PITPNA: variants seen among roughly 807,000 people sequenced by gnomAD.
PITPNA encodes phosphatidylinositol transfer protein alpha isoform.
In PITPNA, 13 loss-of-function variants were observed where a neutral mutation model predicts 50.3. That is an observed-to-expected ratio of 0.26 (90% CI 0.17 to 0.41). The LOEUF (loss-of-function observed/expected upper bound fraction) is 0.41. PITPNA is among the 10% of genes least tolerant of loss of function. The pLI, the probability that PITPNA is intolerant of heterozygous loss-of-function variation, is 1.00. For missense variants in PITPNA, 207 were observed against 333.4 expected, an observed-to-expected ratio of 0.62 and a Z score of 2.95; for synonymous variants, 120 against 119.6, an observed-to-expected ratio of 1.00 and a Z score of -0.02.
chr17:1,521,713 T>C, intron 10 of PITPNA, 68 bp from the exon 11 acceptor site: 2 of 1,306,222 alleles, frequency 1.5e-6, no homozygotes, highest in Non-Finnish European at 2.2e-6. Context: ...TTCTCAGTCC[T>C]GCCCATAGGT....
intron 5 of PITPNA, among the ~76,000 whole-genome samples, chr17:1,542,038 A>G (rs1034965434): frequency 6.6e-6 from 1 of 152,068 alleles, no homozygotes. Flanking sequence ...CGTCTCTACT[A>G]AAAATACAAA....
intron 4 of PITPNA, among the ~76,000 whole-genome samples, chr17:1,544,191 T>C (rs535855638): frequency 2.8e-4 from 43 of 152,346 alleles, no homozygotes; most frequent in African/African-American, 9.6e-4. Flanking sequence ...ATCTGATCAC[T>C]CAGCCAAGCG....
At chr17:1,537,072 A>T (rs1231163261) in intron 7 of PITPNA, among the ~76,000 whole-genome samples, 4 of 139,662 alleles carry the variant, frequency 2.9e-5, no homozygotes, top group African/African-American at 5.2e-5. Context: ...CTAATTTTGT[A>T]TTTTTTTTTT....
At chr17:1,534,045 CTCCT>C in intron 10 of PITPNA, 50 bp downstream of exon 10, 1 of 1,606,714 alleles carries the variant, frequency 6.2e-7, no homozygotes, top group Non-Finnish European at 8.5e-7. Flanking sequence ...GCAAAACAGT[CTCCT>C]TAATCTTCGT....
intron 10 of PITPNA, among the ~76,000 whole-genome samples, chr17:1,529,000 TG>T (rs2075564096): frequency 6.6e-6 from 1 of 150,820 alleles, no homozygotes. Context: ...TAGCTGGGCG[TG>T]GTGGCGCACA....
intron 4 of PITPNA, among the ~76,000 whole-genome samples, chr17:1,546,426 A>C (rs1048790523): frequency 6.6e-6 from 1 of 152,298 alleles, no homozygotes; most frequent in Non-Finnish European, 1.5e-5. Flanking sequence ...GGTTGGAAAG[A>C]GCAATGACCC....
rs2075633290 is a variant in PITPNA, at chr17:1,538,948, T to G, written c.377A>C (p.His126Pro). ...KPDLGTQENVHKLEPEAWKHV... is the reference protein window; with the variant it reads ...KPDLGTQENVPKLEPEAWKHV... ...TTTCCACGCCTCAGGCTCCAGCTTATGCACCTGTGGGAACAAGTGGGGAAC... is the reference window on the plus strand; with the variant it reads ...TTTCCACGCCTCAGGCTCCAGCTTAGGCACCTGTGGGAACAAGTGGGGAAC... The change falls in exon 7 of 12, where the codon CAT (histidine) becomes CCT (proline). Residue 126 changes from histidine (H) to proline (P), a missense_variant. Physicochemically the swap from His to Pro is moderately conservative, Grantham distance 77. Coordinates refer to ENST00000313486, the MANE Select transcript of PITPNA (RefSeq NM_006224.4). The G allele has an allele frequency of 6.2e-7, 1 of 1,612,230 alleles. No individual in the cohort carries two copies. Among genetic ancestry groups the G allele is most frequent in the South Asian group, 1.1e-5 (1 of 91,020 alleles).
At position 1,541,650 on chromosome 17, in the gene PITPNA, G is replaced by A. The variant is rs529116743; in HGVS notation, c.298-10C>T. On this transcript the variant is annotated splice_polypyrimidine_tract_variant and intron_variant, in intron 5 of 11. Transcript: ENST00000313486. ...CTTTCATGTACTCATTCTGGAAGAAGGAAAAAAAATACATGAAAGTCACTA... is the reference window on the plus strand; with the variant it reads ...CTTTCATGTACTCATTCTGGAAGAAAGAAAAAAAATACATGAAAGTCACTA... The A allele has an allele frequency of 1.3e-6, 2 of 1,589,882 alleles. No individual in the cohort carries two copies. The highest frequency in any genetic ancestry group is 2.2e-5 in the South Asian group (2 of 90,488).
intron 10 of PITPNA, among the ~76,000 whole-genome samples, chr17:1,522,812 G>A (rs1266944085): frequency 6.6e-6 from 1 of 152,212 alleles, no homozygotes; most frequent in African/African-American, 2.4e-5. Flanking sequence ...ATCTATGTCA[G>A]CTAGGACTGT....
Position 1,540,496 on chromosome 17 carries a change from C to T in PITPNA, c.372+1070G>A, listed in dbSNP as rs150374532. ...CTTCACTGAACAGTCAACTTGAAGA[C>T]TGCTCTCTATTGGTTTTTCCATGGC... is the stretch of plus-strand genomic sequence containing the variant. On this transcript the variant is annotated intron_variant, in intron 6 of 11. Transcript: ENST00000313486. Among the ~76,000 whole-genome samples, 1,081 of 152,288 alleles carry T rather than the reference C, an allele frequency of 7.1e-3. 12 individuals carry two copies. The highest frequency in any genetic ancestry group is 0.024 in the African/African-American group (1,011 of 41,552).
intron 10 of PITPNA, among the ~76,000 whole-genome samples, chr17:1,531,398 C>T (rs960783044): frequency 7.9e-5 from 12 of 152,064 alleles, no homozygotes; most frequent in Admixed American, 1.3e-4. Flanking sequence ...CGAGTACAAG[C>T]GGGCGCCTGT....
At chr17:1,549,507 A>G (rs879830320) in intron 3 of PITPNA, among the ~76,000 whole-genome samples, 10,569 of 130,794 alleles carry the variant, frequency 0.081, 946 homozygotes, top group East Asian at 0.3. Flanking sequence ...TAGTAAAGAC[A>G]GGGTTTCGCC....
rs759434662 is a variant in PITPNA, at chr17:1,543,001, C to T, written c.297+19G>A. The T allele has an allele frequency of 4.4e-6, 7 of 1,576,132 alleles. No individual in the cohort carries two copies. The African/African-American group carries it at 5.4e-5, about 12-fold the overall frequency. ...TCTTATACATCATCTACAGTTCCAACCCCCTTGACAATACTTACTGTAATA... is the reference window on the plus strand; with the variant it reads ...TCTTATACATCATCTACAGTTCCAATCCCCTTGACAATACTTACTGTAATA... On this transcript the variant is annotated intron_variant, in intron 5 of 11. Transcript: ENST00000313486.
chr17:1,536,012 G>T (rs2075613696), intron 7 of PITPNA, among the ~76,000 whole-genome samples: 1 of 152,176 alleles, frequency 6.6e-6, no homozygotes, highest in Admixed American at 6.5e-5. Context: ...ATCTTCCAGT[G>T]CAATCTCCCT....
At chr17:1,557,550 CAGGAG>C (rs1436857348) in intron 2 of PITPNA, among the ~76,000 whole-genome samples, 2 of 152,120 alleles carry the variant, frequency 1.3e-5, no homozygotes, top group African/African-American at 2.4e-5. Context: ...AAGGCTGCGC[CAGGAG>C]AGGAGAGTGG....
intron 2 of PITPNA, 147 bp from the exon 3 acceptor site, chr17:1,553,296 A>G: frequency 2.6e-6 from 2 of 778,190 alleles, no homozygotes; most frequent in Non-Finnish European, 4.2e-6. Context: ...GGCCTTGCCC[A>G]AACCCACCCA....
chr17:1,527,439 C>G (rs2075554150), intron 10 of PITPNA, among the ~76,000 whole-genome samples: 1 of 151,974 alleles, frequency 6.6e-6, no homozygotes, highest in Non-Finnish European at 1.5e-5. Flanking sequence ...GATGGGGTTT[C>G]TCCATGTTAC....
rs1231737536 is a variant in PITPNA, at chr17:1,519,204, G to A, written c.*1357C>T. ...CGGACAAAGATTTGGTCTCCCATTA[G>A]CAGATGCACCCAGGCTAGTGTGGGC... On this transcript the variant is annotated 3_prime_UTR_variant, in exon 12 of 12. Transcript: ENST00000313486. The A allele has an allele frequency of 6.6e-6, 1 of 152,494 alleles. No individual in the cohort carries two copies. Among genetic ancestry groups the A allele is most frequent in the Admixed American group, 6.5e-5 (1 of 15,282 alleles). The allele number at this position is 152,494 out of a possible 1,614,324, so 9.4% of individuals were successfully genotyped here.
chr17:1,524,045 CTTTTT>C (rs71148495), intron 10 of PITPNA, among the ~76,000 whole-genome samples: 3 of 101,924 alleles, frequency 2.9e-5, no homozygotes, highest in Non-Finnish European at 4.1e-5. Flanking sequence ...TTTCTTTTTT[CTTTTT>C]TTTTTTTTTT....
Sources: allele counts gnomAD v4.1 joint callset (sites outside exome capture counted in the v4.1 genomes callset), GRCh38; gene constraint gnomAD v4.1.1; transcripts MANE v1.5; gene names NCBI Gene and HGNC (gene_info 2026-07-23, HGNC 2026-07-21).